The following LTN1 variants were observed in gnomAD, a reference collection of about 807,000 sequenced individuals.
The protein encoded by LTN1 is listerin E3 ubiquitin protein ligase 1.
A neutral mutation model predicts 201.2 loss-of-function variants in LTN1; 88 were observed. That is an observed-to-expected ratio of 0.44 (90% CI 0.37 to 0.52). LTN1 has a LOEUF of 0.52. LTN1 is among the 20% of genes least tolerant of loss of function. The pLI, the probability that LTN1 is intolerant of heterozygous loss-of-function variation, is 0.00. For synonymous variants in LTN1, 645 were observed against 713.5 expected, an observed-to-expected ratio of 0.90 and a Z score of 1.53; for missense variants, 1,752 against 2,038.7, an observed-to-expected ratio of 0.86 and a Z score of 2.71.
intron 1 of LTN1, 36 bp downstream of exon 1, chr21:28,992,728 G>A (rs764701182): frequency 1.7e-5 from 27 of 1,612,338 alleles, no homozygotes; most frequent in African/African-American, 2.7e-5. Flanking sequence ...GCCTCGAAGC[G>A]AGGCTCCCGG....
chr21:28,992,681 C>T, intron 1 of LTN1, 83 bp downstream of exon 1: 1 of 1,529,344 alleles, frequency 6.5e-7, no homozygotes, highest in Non-Finnish European at 9.0e-7. Context: ...AGCCGCGCTC[C>T]ACACACCCTC....
intron 29 of LTN1, 137 bp downstream of exon 29, chr21:28,931,018 C>T: frequency 3.6e-6 from 2 of 554,500 alleles, no homozygotes. Context: ...CCATTAGCTA[C>T]AATTAAGTTT....
intron 11 of LTN1, chr21:28,964,723 T>C (rs2084507124): frequency 1.9e-6 from 3 of 1,550,350 alleles, no homozygotes; most frequent in Non-Finnish European, 2.6e-6. Flanking sequence ...GAGGATTTTC[T>C]TCCACACAGA....
intron 12 of LTN1, 143 bp downstream of exon 12, chr21:28,960,374 A>G (rs1009827124): frequency 1.4e-5 from 8 of 587,762 alleles, no homozygotes; most frequent in Admixed American, 7.1e-5. Flanking sequence ...AAAAGAAAAA[A>G]GAAAAGAAAA....
In LTN1 at chr21:28,931,128, A is replaced by T; in HGVS notation, c.5238+27T>A. 4 of 1,486,808 alleles carry T rather than the reference A, an allele frequency of 2.7e-6. No individual in the cohort carries two copies. In the South Asian group the frequency reaches 4.6e-5, roughly 17 times the overall value. The allele number at this position is 1,486,808 out of a possible 1,614,324, so 92.1% of individuals were successfully genotyped here. A position where few individuals can be genotyped will look rare whatever the true frequency, so the allele number is the denominator to read the frequency against. ...ATGTGTATAAAATACATAAAATATAAGTAAGTTAATTTCTCTTTAGACTTA... is the reference window on the plus strand; with the variant it reads ...ATGTGTATAAAATACATAAAATATATGTAAGTTAATTTCTCTTTAGACTTA... On this transcript the variant is annotated intron_variant, in intron 29 of 29. Coordinates refer to ENST00000361371, the MANE Select transcript of LTN1 (RefSeq NM_015565.3).
intron 18 of LTN1, among the ~76,000 whole-genome samples, chr21:28,951,465 T>C (rs2084382021): frequency 6.6e-6 from 1 of 152,184 alleles, no homozygotes; most frequent in Admixed American, 6.5e-5. Context: ...TAGGATGATG[T>C]TATTTAAGAG....
At chr21:28,933,194 A>G (rs182638673) in intron 27 of LTN1, among the ~76,000 whole-genome samples, 4 of 118,802 alleles carry the variant, frequency 3.4e-5, no homozygotes, top group Admixed American at 8.5e-5. Context: ...CTTCCAGGCT[A>G]AAAAATCATG....
intron 13 of LTN1, 92 bp downstream of exon 13, chr21:28,959,366 A>G (rs1447224404): frequency 2.8e-6 from 4 of 1,439,412 alleles, no homozygotes; most frequent in African/African-American, 2.9e-5. Context: ...CAAACACATT[A>G]TAATTCAATT....
Position 28,981,206 on chromosome 21 carries a change from A to C in LTN1, c.723T>G (p.Asp241Glu), listed in dbSNP as rs2084656151. 1.3e-6 allele frequency: 2 copies of C among 1,599,690 alleles called. No individual in the cohort carries two copies. The highest frequency in any genetic ancestry group is 1.7e-6 in the Non-Finnish European group (2 of 1,175,684). Residue 241 changes from aspartate (D) to glutamate (E), a missense_variant, in exon 6 of 30, where the codon GAT (aspartate) becomes GAG (glutamate). Asp to Glu is a conservative substitution (Grantham distance 45, BLOSUM62 2). This residue lies in a region of LTN1 where 280 missense variants were observed against 375.7 expected (regional missense o/e 0.75). Transcript: ENST00000361371. ...TCTCCTCCAGAGAATCAAGCTCATT[A>C]TCAGGTAAAAGGCAAAGTAATCTCT... ...ALKRLLCLLP[D>E]NELDSLEEKF...
intron 12 of LTN1, 113 bp downstream of exon 12, chr21:28,960,404 G>C: frequency 2.8e-6 from 2 of 712,126 alleles, no homozygotes; most frequent in South Asian, 5.3e-5. Context: ...AAATTTGAAT[G>C]AGTAAGTCCT....
chr21:28,930,259 A>G lies in LTN1; in HGVS notation c.*189T>C. 1 of 410,800 alleles carries G rather than the reference A, an allele frequency of 2.4e-6. No homozygotes were observed. The highest frequency in any genetic ancestry group is 4.4e-6 in the Non-Finnish European group (1 of 228,266). The allele number at this position is 410,800 out of a possible 1,614,324, so 25.4% of individuals were successfully genotyped here. A position where few individuals can be genotyped will look rare whatever the true frequency, so the allele number is the denominator to read the frequency against. On this transcript the variant is annotated 3_prime_UTR_variant, in exon 30 of 30. Coordinates refer to ENST00000361371, the MANE Select transcript of LTN1 (RefSeq NM_015565.3). ...CTTTTGTAAAAGAAAGTTTCCAAAC[A>G]TTTACAAAGCAATCTAAAGTTAAGT...
At chr21:28,972,249 A>C (rs1186833211) in intron 6 of LTN1, among the ~76,000 whole-genome samples, 2 of 152,132 alleles carry the variant, frequency 1.3e-5, no homozygotes, top group African/African-American at 4.8e-5. Flanking sequence ...TTGATCTTGA[A>C]ATTTCCAGCC....
At chr21:28,973,505 T>C (rs2084592134) in intron 6 of LTN1, among the ~76,000 whole-genome samples, 1 of 152,060 alleles carries the variant, frequency 6.6e-6, no homozygotes, top group Non-Finnish European at 1.5e-5. Flanking sequence ...ATTTTATGTA[T>C]ATTTTATATA....
At chr21:28,989,022 C>T (rs922352850) in intron 1 of LTN1, among the ~76,000 whole-genome samples, 8 of 151,476 alleles carry the variant, frequency 5.3e-5, no homozygotes, top group African/African-American at 1.9e-4. Context: ...AGCAGCTGTT[C>T]TCTATTTTTT....
chr21:28,953,234 C>A lies in LTN1; in HGVS notation c.3222G>T (p.Leu1074Phe). 1 of 1,571,608 alleles carries A rather than the reference C, an allele frequency of 6.4e-7. No homozygotes were observed. The highest frequency in any genetic ancestry group is 1.2e-5 in the South Asian group (1 of 84,064). ...LRVLGNTSGL[L>F]QLLFNRSREH... ...ATTCTTACCTGTTAAATAACAGCTG[C>A]AAAAGGCCCGACGTATTACCAAGTA... Residue 1074 changes from leucine to phenylalanine, a missense_variant, in exon 17 of 30, where the codon TTG becomes TTT. By Grantham distance (22) the Leu-to-Phe change is conservative. Around this residue, in one of 3 missense-constraint regions of LTN1, gnomAD observed 1,211 missense variants for 1,312.8 expected, o/e 0.92. Coordinates refer to ENST00000361371, the MANE Select transcript of LTN1 (RefSeq NM_015565.3).
intron 6 of LTN1, among the ~76,000 whole-genome samples, chr21:28,975,438 G>A (rs1357281006): frequency 6.6e-6 from 1 of 152,194 alleles, no homozygotes; most frequent in Non-Finnish European, 1.5e-5. Context: ...AAACCACAAT[G>A]AGAAACCTCT....
chr21:28,974,956 G>A (rs1484050364), intron 6 of LTN1, among the ~76,000 whole-genome samples: 1 of 151,928 alleles, frequency 6.6e-6, no homozygotes, highest in African/African-American at 2.4e-5. Flanking sequence ...GGTTTGGTAT[G>A]GGTCTAATCA....
intron 21 of LTN1, 65 bp from the exon 22 acceptor site, chr21:28,944,661 A>C: frequency 8.8e-7 from 1 of 1,133,664 alleles, no homozygotes; most frequent in South Asian, 1.5e-5. Context: ...AATAAAGCCA[A>C]TATAAAGAAA....
intron 18 of LTN1, among the ~76,000 whole-genome samples, chr21:28,949,998 A>G (rs2146276291): frequency 6.6e-6 from 1 of 152,260 alleles, no homozygotes; most frequent in African/African-American, 2.4e-5. Flanking sequence ...CTTAATTACT[A>G]TAATTCAATA....
Sources: gnomAD v4.1 joint callset for allele counts (sites outside exome capture counted in the v4.1 genomes callset) on GRCh38, gnomAD v4.1.1 for gene constraint, gnomAD v4.1.1 regional missense constraint, MANE v1.5 for transcripts, NCBI Gene and HGNC (gene_info 2026-07-23, HGNC 2026-07-21) for gene names.